GPC6: variants seen among roughly 807,000 people sequenced by gnomAD.
GPC6 encodes the protein glypican 6, also known as glypican-6.
A neutral mutation model predicts 55.2 loss-of-function variants in GPC6; 14 were observed. The ratio of observed to expected loss-of-function variants is 0.25; its 90% CI spans 0.17 to 0.40. GPC6 has a LOEUF of 0.40. Ranked by LOEUF, GPC6 falls within the 10% of genes least tolerant of loss-of-function variation. The pLI is 1.00. For missense variants in GPC6, 641 were observed against 708.5 expected (o/e 0.90, Z 1.08); for synonymous variants, 278 against 259.6 (o/e 1.07, Z -0.68).
intron 1 of GPC6, among the ~76,000 whole-genome samples, chr13:93,229,262 A>G (rs2138998691): frequency 6.6e-6 from 1 of 151,680 alleles, no homozygotes; most frequent in Middle Eastern, 3.4e-3. Flanking sequence ...TTCCCTCCCC[A>G]AATCTCAGGG....
At chr13:94,006,147 T>C (rs1376813431) in intron 3 of GPC6, among the ~76,000 whole-genome samples, 2 of 152,204 alleles carry the variant, frequency 1.3e-5, no homozygotes, top group Admixed American at 6.5e-5. Flanking sequence ...CCCATTTAAC[T>C]ATTGCATGTC....
chr13:93,520,327 G>A (rs1240030049), intron 1 of GPC6, among the ~76,000 whole-genome samples: 1 of 151,858 alleles, frequency 6.6e-6, no homozygotes. Flanking sequence ...TGCTGCCCTA[G>A]GCTTGTTATT....
chr13:94,362,307 A>G (rs934029713), intron 6 of GPC6, among the ~76,000 whole-genome samples: 2 of 152,216 alleles, frequency 1.3e-5, no homozygotes, highest in African/African-American at 4.8e-5. Flanking sequence ...TTGTCAGAAA[A>G]TATCTATCTT....
At chr13:93,948,279 T>G (rs1025861977) in intron 3 of GPC6, among the ~76,000 whole-genome samples, 1 of 152,194 alleles carries the variant, frequency 6.6e-6, no homozygotes, top group African/African-American at 2.4e-5. Context: ...CATATTCATG[T>G]AGTATAAATT....
At chr13:94,212,146 A>G (rs1161869173) in intron 4 of GPC6, among the ~76,000 whole-genome samples, 1 of 152,226 alleles carries the variant, frequency 6.6e-6, no homozygotes, top group Non-Finnish European at 1.5e-5. Flanking sequence ...ATTGACATTA[A>G]TATCATAGGC....
intron 1 of GPC6, among the ~76,000 whole-genome samples, chr13:93,449,212 G>T (rs1406650149): frequency 1.3e-5 from 2 of 151,580 alleles, no homozygotes; most frequent in African/African-American, 4.8e-5. Flanking sequence ...CCATAAGGAA[G>T]GGTCCGAGAT....
chr13:93,298,294 G>A (rs547065596), intron 1 of GPC6, among the ~76,000 whole-genome samples: 1 of 152,266 alleles, frequency 6.6e-6, no homozygotes, highest in South Asian at 2.1e-4. Flanking sequence ...TCTAATCAGA[G>A]CCCAGTCCCT....
At chr13:93,341,433 G>A (rs1479089261) in intron 1 of GPC6, among the ~76,000 whole-genome samples, 2 of 152,056 alleles carry the variant, frequency 1.3e-5, no homozygotes. Context: ...TTTTAATAAT[G>A]TCCATTCTTG....
At chr13:94,111,685 C>T (rs930744495) in intron 4 of GPC6, among the ~76,000 whole-genome samples, 3 of 151,954 alleles carry the variant, frequency 2.0e-5, no homozygotes, top group African/African-American at 7.3e-5. Flanking sequence ...CATTATAGCA[C>T]TTCTGACAAT....
At chr13:93,782,992 G>T (rs777746967) in intron 2 of GPC6, among the ~76,000 whole-genome samples, 1 of 152,068 alleles carries the variant, frequency 6.6e-6, no homozygotes, top group Non-Finnish European at 1.5e-5. Context: ...TTCCCCAACA[G>T]GCCCCAGTGT....
intron 2 of GPC6, among the ~76,000 whole-genome samples, chr13:93,564,401 T>G (rs1398134642): frequency 1.3e-5 from 2 of 152,104 alleles, no homozygotes; most frequent in African/African-American, 2.4e-5. Context: ...GGAGCAGCAA[T>G]AAGAGAAAAG....
chr13:93,684,791 C>A (rs1454488827), intron 2 of GPC6, among the ~76,000 whole-genome samples: 2 of 151,962 alleles, frequency 1.3e-5, no homozygotes, highest in Non-Finnish European at 2.9e-5. Flanking sequence ...AGAAGGATAG[C>A]ATTTAAAACT....
intron 3 of GPC6, among the ~76,000 whole-genome samples, chr13:93,856,677 T>C (rs1184954184): frequency 6.6e-6 from 1 of 151,654 alleles, no homozygotes; most frequent in East Asian, 1.9e-4. Flanking sequence ...AAGGTGGACA[T>C]GTGTAGAACA....
At chr13:93,722,198 C>A (rs972133930) in intron 2 of GPC6, among the ~76,000 whole-genome samples, 5 of 151,494 alleles carry the variant, frequency 3.3e-5, no homozygotes, top group Non-Finnish European at 5.9e-5. Context: ...GCCATTTTAA[C>A]CTTTCATTAA....
rs372329182 is a variant in GPC6, at chr13:93,611,809, AT to A, written c.319+66392del. Among the ~76,000 whole-genome samples, 65 of 152,302 alleles carry A rather than the reference AT, an allele frequency of 4.3e-4. 1 individual carries two copies. In the South Asian group the frequency reaches 0.013, roughly 30 times the overall value. ...CATGCCACATTTGTGGGTGCTTTTA[AT>A]TTTAATAATAAAGTAATTATGCAAA... On this transcript the variant is annotated intron_variant, in intron 2 of 8. Coordinates refer to ENST00000377047, the MANE Select transcript of GPC6 (RefSeq NM_005708.5).
chr13:94,264,571 C>T (rs1001973431), intron 4 of GPC6, among the ~76,000 whole-genome samples: 1 of 152,146 alleles, frequency 6.6e-6, no homozygotes, highest in Non-Finnish European at 1.5e-5. Context: ...ATTTTTAGTA[C>T]CTAGCTTCAA....
chr13:93,516,711 G>C (rs1283750150), intron 1 of GPC6, among the ~76,000 whole-genome samples: 3 of 151,860 alleles, frequency 2.0e-5, no homozygotes, highest in Non-Finnish European at 2.9e-5. Flanking sequence ...TATTTATTTT[G>C]CATTTTTATA....
chr13:93,301,274 T>C (rs753712820), intron 1 of GPC6, among the ~76,000 whole-genome samples: 1 of 152,142 alleles, frequency 6.6e-6, no homozygotes, highest in Non-Finnish European at 1.5e-5. Context: ...TAATCACAGA[T>C]TGATGGCTCA....
intron 1 of GPC6, among the ~76,000 whole-genome samples, chr13:93,426,017 C>G (rs1479437600): frequency 6.6e-6 from 1 of 152,164 alleles, no homozygotes; most frequent in African/African-American, 2.4e-5. Context: ...ACCACCTCTC[C>G]CAGGTTGGGC....
Sources: gnomAD v4.1 joint callset for allele counts (sites outside exome capture counted in the v4.1 genomes callset) on GRCh38, gnomAD v4.1.1 for gene constraint, MANE v1.5 for transcripts, NCBI Gene and HGNC (gene_info 2026-07-23, HGNC 2026-07-21) for gene names.